LPP: variants seen among roughly 807,000 people sequenced by gnomAD.
LPP encodes the protein lipoma-preferred partner.
In LPP, 38 loss-of-function variants were observed where a neutral mutation model predicts 60.4. That is an observed-to-expected ratio of 0.63 (90% confidence interval 0.49 to 0.83). The LOEUF is 0.83. Ranked by LOEUF, LPP falls within the 40% of genes least tolerant of loss-of-function variation. LPP has a pLI of 0.00. For missense variants in LPP, 902 were observed against 783.6 expected, an observed-to-expected ratio of 1.15 and a Z score of -1.80; for synonymous variants, 328 against 290.8, an observed-to-expected ratio of 1.13 and a Z score of -1.30.
chr3:188,678,464 G>A (rs1858631308), intron 7 of LPP, among the ~76,000 whole-genome samples: 1 of 152,152 alleles, frequency 6.6e-6, no homozygotes, highest in East Asian at 1.9e-4. Context: ...CCTGATACCA[G>A]CATATGTTGT....
At chr3:188,612,923 A>C (rs900957746) in intron 7 of LPP, among the ~76,000 whole-genome samples, 1 of 152,134 alleles carries the variant, frequency 6.6e-6, no homozygotes, top group Non-Finnish European at 1.5e-5. Flanking sequence ...AGAAAAAATG[A>C]AAAGGAAAAA....
At chr3:188,849,252 C>A (rs539964865) in intron 9 of LPP, among the ~76,000 whole-genome samples, 2 of 152,262 alleles carry the variant, frequency 1.3e-5, no homozygotes, top group East Asian at 1.9e-4. Context: ...TTGGCCAGAA[C>A]AAAGTTGCAT....
At chr3:188,730,480 T>G (rs1309054088) in intron 8 of LPP, among the ~76,000 whole-genome samples, 1 of 152,224 alleles carries the variant, frequency 6.6e-6, no homozygotes, top group Non-Finnish European at 1.5e-5. Context: ...TGGTACTCAC[T>G]TGTAAGTGGA....
intron 6 of LPP, among the ~76,000 whole-genome samples, chr3:188,530,020 T>TA (rs1331341561): frequency 6.6e-6 from 1 of 152,212 alleles, no homozygotes; most frequent in Non-Finnish European, 1.5e-5. Context: ...CTTAAAGTGT[T>TA]ACGGGAAGGG....
At chr3:188,307,755 T>G (rs1168887042) in intron 2 of LPP, among the ~76,000 whole-genome samples, 1 of 152,224 alleles carries the variant, frequency 6.6e-6, no homozygotes, top group South Asian at 2.1e-4. Context: ...TAATACATTC[T>G]TAGTCCTATG....
At chr3:188,361,924 C>T (rs1769548674) in intron 3 of LPP, among the ~76,000 whole-genome samples, 1 of 152,112 alleles carries the variant, frequency 6.6e-6, no homozygotes, top group Admixed American at 6.6e-5. Context: ...TCTGCAAAGC[C>T]TAGGTCTGCC....
rs146570228 is a variant in LPP at position 188,272,887 on chromosome 3, A to T, written c.-67+47360A>T. On this transcript the variant is annotated intron_variant, in intron 2 of 11. Coordinates refer to ENST00000617246, the MANE Select transcript of LPP (RefSeq NM_001375462.1). The stretch of plus-strand genomic sequence containing the variant: ...ATAGGCGTATAAGGGCTTTATGTAG[A>T]CTAACCCCTTTAACACCTATTAACT... Among the ~76,000 whole-genome samples the T allele has an allele frequency of 8.1e-4, 123 of 152,298 alleles. 1 individual carries two copies. The highest frequency in any genetic ancestry group is 2.8e-3 in the African/African-American group (115 of 41,554).
At chr3:188,868,197 T>C (rs900842762) in intron 10 of LPP, among the ~76,000 whole-genome samples, 8 of 152,332 alleles carry the variant, frequency 5.3e-5, no homozygotes, top group African/African-American at 1.7e-4. Context: ...TCTCCTTTCT[T>C]AGACTTATCC....
chr3:188,234,889 T>C (rs1367516822), intron 2 of LPP, among the ~76,000 whole-genome samples: 2 of 152,212 alleles, frequency 1.3e-5, no homozygotes, highest in Non-Finnish European at 2.9e-5. Flanking sequence ...AGGGTCTTAA[T>C]TGGATCAGCC....
chr3:188,542,297 C>A (rs1825412113), intron 6 of LPP, among the ~76,000 whole-genome samples: 1 of 152,116 alleles, frequency 6.6e-6, no homozygotes, highest in African/African-American at 2.4e-5. Context: ...CTATAAAGCG[C>A]TATACAAAGA....
chr3:188,171,118 G>A (rs555206894), intron 1 of LPP, among the ~76,000 whole-genome samples: 3 of 152,124 alleles, frequency 2.0e-5, no homozygotes, highest in Admixed American at 1.3e-4. Flanking sequence ...TGTATGAAAC[G>A]TTAGGGTTAC....
intron 4 of LPP, among the ~76,000 whole-genome samples, chr3:188,418,919 A>G (rs1188910455): frequency 6.6e-6 from 1 of 152,168 alleles, no homozygotes; most frequent in Admixed American, 6.6e-5. Flanking sequence ...TTAAAATGAC[A>G]TTTTATTTTA....
intron 7 of LPP, among the ~76,000 whole-genome samples, chr3:188,694,808 C>T (rs1862897126): frequency 6.6e-6 from 1 of 152,052 alleles, no homozygotes. Context: ...TTTTGGTTTC[C>T]ATCTTTGTGC....
chr3:188,241,138 A>C (rs992065661), intron 2 of LPP, among the ~76,000 whole-genome samples: 1 of 152,330 alleles, frequency 6.6e-6, no homozygotes, highest in African/African-American at 2.4e-5. Flanking sequence ...AAGAATGATA[A>C]GTGGTCATGG....
At chr3:188,782,559 G>A (rs1243397200) in intron 9 of LPP, among the ~76,000 whole-genome samples, 7 of 152,092 alleles carry the variant, frequency 4.6e-5, no homozygotes, top group Admixed American at 1.3e-4. Flanking sequence ...TTTAATAAAT[G>A]CTAACTGTGA....
At chr3:188,752,180 T>C (rs978735154) in intron 8 of LPP, among the ~76,000 whole-genome samples, 105 of 152,362 alleles carry the variant, frequency 6.9e-4, no homozygotes, top group African/African-American at 2.4e-3. Context: ...AAGGCAGTTA[T>C]GATCATCTCC....
At chr3:188,287,646 AAAAG>A (rs781781994) in intron 2 of LPP, among the ~76,000 whole-genome samples, 33 of 152,306 alleles carry the variant, frequency 2.2e-4, no homozygotes, top group Non-Finnish European at 3.5e-4. Context: ...ATGAAGGAAA[AAAAG>A]AAGCATTTTA....
At chr3:188,254,157 C>A (rs1252580645) in intron 2 of LPP, among the ~76,000 whole-genome samples, 1 of 152,154 alleles carries the variant, frequency 6.6e-6, no homozygotes, top group Non-Finnish European at 1.5e-5. Flanking sequence ...CCCACCTATT[C>A]TTAAGAAATT....
chr3:188,717,288 C>T (rs1204701102), intron 8 of LPP, among the ~76,000 whole-genome samples: 1 of 152,228 alleles, frequency 6.6e-6, no homozygotes. Context: ...GCTTTTTAAT[C>T]TGTATAAGGA....
Sources: gnomAD v4.1 joint callset for allele counts (sites outside exome capture counted in the v4.1 genomes callset) on GRCh38, gnomAD v4.1.1 for gene constraint, MANE v1.5 for transcripts, NCBI Gene and HGNC (gene_info 2026-07-23, HGNC 2026-07-21) for gene names.